Variants in NFIB observed in about 807,000 individuals in gnomAD.
The protein encoded by NFIB is nuclear factor I B.
Under a neutral mutation model 61.5 loss-of-function variants are expected in NFIB, and 11 were observed. The ratio of observed to expected loss-of-function variants is 0.18; its 90% confidence interval spans 0.11 to 0.30. NFIB has a LOEUF of 0.30. Ranked by LOEUF, NFIB falls within the 10% of genes least tolerant of loss-of-function variation. NFIB has a pLI of 1.00. For synonymous variants in NFIB, 260 were observed against 216.5 expected (o/e 1.20, Z -1.76); for missense variants, 471 against 608.9 (o/e 0.77, Z 2.38).
At chr9:14,466,777 T>C in the NFIB span, among the ~76,000 whole-genome samples, 1 of 152,238 alleles carries the variant, frequency 6.6e-6, no homozygotes, top group Admixed American at 6.5e-5. Flanking sequence ...ATATGGTTTA[T>C]GGTGGGGGAG....
chr9:14,321,723 G>T (rs1313246875), intron 1 of NFIB, among the ~76,000 whole-genome samples: 1 of 152,112 alleles, frequency 6.6e-6, no homozygotes. Context: ...ATGTACTAAA[G>T]TTGCCAACGC....
chr9:14,529,571 C>T, the NFIB span, among the ~76,000 whole-genome samples: 1 of 152,156 alleles, frequency 6.6e-6, no homozygotes, highest in Non-Finnish European at 1.5e-5. Flanking sequence ...TTCTGTCTCT[C>T]TTCTAAATTC....
intron 10 of NFIB, among the ~76,000 whole-genome samples, chr9:14,105,307 A>C (rs1318840523): frequency 6.6e-6 from 1 of 152,252 alleles, no homozygotes; most frequent in Non-Finnish European, 1.5e-5. Context: ...CATTCAAAAT[A>C]AACAACAAAT....
chr9:14,147,903 A>G (rs1289349523), intron 5 of NFIB, among the ~76,000 whole-genome samples: 1 of 151,996 alleles, frequency 6.6e-6, no homozygotes, highest in African/African-American at 2.4e-5. Flanking sequence ...CAGCCTCCCA[A>G]AGTGCTGGGA....
At chr9:14,230,638 G>A (rs2053010811) in intron 2 of NFIB, among the ~76,000 whole-genome samples, 1 of 152,062 alleles carries the variant, frequency 6.6e-6, no homozygotes, top group Admixed American at 6.6e-5. Context: ...AGACTTAAAG[G>A]GTGAATAAAA....
intron 1 of NFIB, among the ~76,000 whole-genome samples, chr9:14,375,545 C>T (rs1410476805): frequency 7.2e-5 from 11 of 152,034 alleles, no homozygotes; most frequent in Admixed American, 3.3e-4. Context: ...GCAATCCCAG[C>T]GACTTGGGAG....
the NFIB span, among the ~76,000 whole-genome samples, chr9:14,477,870 C>CA: frequency 2.0e-5 from 3 of 151,966 alleles, no homozygotes; most frequent in East Asian, 3.9e-4. Context: ...AGCATTTTGG[C>CA]AAAAAATAGT....
the NFIB span, among the ~76,000 whole-genome samples, chr9:14,420,883 T>G: frequency 6.6e-6 from 1 of 152,160 alleles, no homozygotes; most frequent in Non-Finnish European, 1.5e-5. Flanking sequence ...ATAATTCAAT[T>G]AACATGCTTC....
chr9:14,345,709 A>G (rs1369233691), intron 1 of NFIB, among the ~76,000 whole-genome samples: 1 of 152,106 alleles, frequency 6.6e-6, no homozygotes, highest in Non-Finnish European at 1.5e-5. Flanking sequence ...TTTGGTACTT[A>G]AAAGCCCAGT....
chr9:14,418,255 C>T, the NFIB span, among the ~76,000 whole-genome samples: 4 of 152,214 alleles, frequency 2.6e-5, no homozygotes, highest in African/African-American at 9.6e-5. Context: ...ATACTGCTTC[C>T]TCCTTTGAGC....
the NFIB span, among the ~76,000 whole-genome samples, chr9:14,434,471 C>A: frequency 2.0e-5 from 3 of 152,222 alleles, no homozygotes; most frequent in African/African-American, 7.2e-5. Flanking sequence ...AAAAATATAG[C>A]AAGAACAAAA....
rs569982670 is a variant in NFIB, at chr9:14,081,974, T to G, written c.*6335A>C. 4.4e-5 allele frequency: 9 copies of G among 206,850 alleles called. No individual in the cohort carries two copies. The highest frequency in any genetic ancestry group is 3.8e-4 in the South Asian group (2 of 5,282). The allele number at this position is 206,850 out of a possible 1,614,324, so 12.8% of individuals were successfully genotyped here. ...CTGGATATAACAGTAACAATCACAT[T>G]AAGTCAAGCTTGATTTACACCAGTT... On this transcript the variant is annotated 3_prime_UTR_variant, in exon 11 of 11. Coordinates refer to ENST00000380953, the MANE Select transcript of NFIB (RefSeq NM_001190737.2).
the NFIB span, among the ~76,000 whole-genome samples, chr9:14,514,764 G>A: frequency 6.6e-6 from 1 of 152,044 alleles, no homozygotes; most frequent in Non-Finnish European, 1.5e-5. Flanking sequence ...AGTTTGGGTT[G>A]CTCAGTGAGC....
chr9:14,338,092 T>C (rs182458756), intron 1 of NFIB, among the ~76,000 whole-genome samples: 44 of 152,208 alleles, frequency 2.9e-4, no homozygotes, highest in African/African-American at 1.0e-3. Flanking sequence ...CAGGGCTAAA[T>C]TGAAAGAAAA....
At chr9:14,302,737 G>A (rs1216245846) in intron 2 of NFIB, among the ~76,000 whole-genome samples, 1 of 145,554 alleles carries the variant, frequency 6.9e-6, no homozygotes, top group African/African-American at 2.8e-5. Context: ...TCCCACTCCC[G>A]CCCCCCGACT....
intron 1 of NFIB, among the ~76,000 whole-genome samples, chr9:14,323,248 A>G (rs2060704233): frequency 6.6e-6 from 1 of 152,224 alleles, no homozygotes; most frequent in Admixed American, 6.5e-5. Flanking sequence ...AACCAACACC[A>G]AAGAGATAAT....
chr9:14,375,533 C>G (rs572017516), intron 1 of NFIB, among the ~76,000 whole-genome samples: 1 of 152,124 alleles, frequency 6.6e-6, no homozygotes, highest in Non-Finnish European at 1.5e-5. Flanking sequence ...AGGTGGGCAC[C>G]TGCAATCCCA....
At chr9:14,137,653 A>G (rs2041216950) in intron 6 of NFIB, among the ~76,000 whole-genome samples, 1 of 152,208 alleles carries the variant, frequency 6.6e-6, no homozygotes, top group Non-Finnish European at 1.5e-5. Context: ...AATCACAATT[A>G]CAGTGCACTA....
rs2032266603 is a variant in NFIB at position 14,083,037 on chromosome 9, C to G, written c.*5272G>C. On this transcript the variant is annotated 3_prime_UTR_variant, in exon 11 of 11. Coordinates refer to ENST00000380953, the MANE Select transcript of NFIB (RefSeq NM_001190737.2). ...AAGCGCTTTTCACAATCTCAACATA[C>G]ATTTGAATTGCAACACACAGATATT... The G allele has an allele frequency of 4.9e-6, 1 of 203,084 alleles. No individual in the cohort carries two copies. The highest frequency in any genetic ancestry group is 1.0e-5 in the Non-Finnish European group (1 of 99,458). The allele number at this position is 203,084 out of a possible 1,614,324, so 12.6% of individuals were successfully genotyped here.
Sources: gnomAD v4.1 joint callset for allele counts (sites outside exome capture counted in the v4.1 genomes callset) on GRCh38, gnomAD v4.1.1 for gene constraint, MANE v1.5 for transcripts, NCBI Gene and HGNC (gene_info 2026-07-23, HGNC 2026-07-21) for gene names.